Variants in RBFOX1 observed in about 807,000 individuals in gnomAD.
RBFOX1 encodes RNA binding fox-1 homolog 1, also known as RNA binding protein fox-1 homolog 1.
Under a neutral mutation model 57.7 loss-of-function variants are expected in RBFOX1, and 8 were observed. The observed-to-expected ratio is 0.14, with a 90% CI of 0.08 to 0.25. The LOEUF (loss-of-function observed/expected upper bound fraction) is 0.25. RBFOX1 is among the 10% of genes least tolerant of loss of function. RBFOX1 has a pLI of 1.00. For synonymous variants in RBFOX1, 326 were observed against 222.4 expected (o/e 1.47, Z -4.15); for missense variants, 611 against 548.5 (o/e 1.11, Z -1.14).
At chr16:7,178,113 G>A (rs148883278) in intron 4 of RBFOX1, among the ~76,000 whole-genome samples, 82 of 152,330 alleles carry the variant, frequency 5.4e-4, no homozygotes, top group African/African-American at 1.9e-3. Flanking sequence ...CCCCCAGGAT[G>A]TCAGTGACAG....
intron 3 of RBFOX1, among the ~76,000 whole-genome samples, chr16:7,044,379 A>G (rs547410576): frequency 3.3e-5 from 5 of 152,330 alleles, no homozygotes; most frequent in African/African-American, 7.2e-5. Context: ...GGAAGAACTG[A>G]TAAGAGAGAA....
intron 2 of RBFOX1, among the ~76,000 whole-genome samples, chr16:5,510,519 C>T (rs958413501): frequency 1.3e-5 from 2 of 152,056 alleles, no homozygotes; most frequent in African/African-American, 2.4e-5. Context: ...CAAAGCAAGT[C>T]GCGTGGCTGA....
intron 2 of RBFOX1, among the ~76,000 whole-genome samples, chr16:6,326,344 TTAAAG>T (rs1201276330): frequency 1.6e-4 from 25 of 152,098 alleles, no homozygotes; most frequent in African/African-American, 6.0e-4. Context: ...AGATAAAACT[TTAAAG>T]TAAATAAAAT....
chr16:7,367,627 G>A (rs900701102), intron 4 of RBFOX1, among the ~76,000 whole-genome samples: 1 of 152,120 alleles, frequency 6.6e-6, no homozygotes, highest in African/African-American at 2.4e-5. Flanking sequence ...ACAACATTCT[G>A]TATATGTGCA....
intron 2 of RBFOX1, among the ~76,000 whole-genome samples, chr16:6,542,483 C>CTTTTTTTTTTTTTTTTTTTTT (rs71145245): frequency 1.1e-4 from 6 of 55,730 alleles, no homozygotes; most frequent in African/African-American, 2.3e-4. Flanking sequence ...GGACCATAGT[C>CTTTTTTTTTTTTTTTTTTTTT]TTTTTTTTTT....
intron 1 of RBFOX1, among the ~76,000 whole-genome samples, chr16:5,404,201 C>A (rs997206588): frequency 6.6e-6 from 1 of 152,004 alleles, no homozygotes; most frequent in Admixed American, 6.6e-5. Context: ...TACAATGTAC[C>A]TTATTTAGGT....
Position 7,448,927 on chromosome 16 carries a change from G to GTTTTTTTTTTTT in RBFOX1, c.28-69212_28-69201dup, listed in dbSNP as rs71147700. Among the ~76,000 whole-genome samples, 205 of 82,962 alleles carry GTTTTTTTTTTTT rather than the reference G, an allele frequency of 2.5e-3. 12 individuals carry two copies. The highest frequency in any genetic ancestry group is 3.5e-3 in the Non-Finnish European group (160 of 45,988). 54.4% of individuals were successfully genotyped at this position (82,962 alleles called of 152,430 possible). On this transcript the variant is annotated intron_variant, in intron 4 of 15. Coordinates refer to ENST00000550418, the MANE Select transcript of RBFOX1 (RefSeq NM_018723.4). Reference sequence around the variant, plus strand: ...CTTGGTAGACATTTTTCTTTCCCCTGTTTTTTTTTTTTTTTTTTTGAGATG... The same window carrying GTTTTTTTTTTTT: ...CTTGGTAGACATTTTTCTTTCCCCTGTTTTTTTTTTTTTTTTTTTTTTTTTTTTTTTGAGATG...
In RBFOX1 at chr16:6,358,430, G is replaced by A. The variant is rs148359511; in HGVS notation, c.-64+41373G>A. On this transcript the variant is annotated intron_variant, in intron 2 of 15. Transcript: ENST00000550418. ...CTTAGAAAAAGATTAGAAGTTGCCAGCTTCAACATAATTGTCATTGAGAGG... is the reference window on the plus strand; with the variant it reads ...CTTAGAAAAAGATTAGAAGTTGCCAACTTCAACATAATTGTCATTGAGAGG... Among the ~76,000 whole-genome samples the A allele has an allele frequency of 2.6e-5, 4 of 152,336 alleles. No homozygotes were observed. The East Asian group carries it at 7.7e-4, about 29-fold the overall frequency.
chr16:5,395,293 T>G (rs2066519053), intron 1 of RBFOX1, among the ~76,000 whole-genome samples: 1 of 152,238 alleles, frequency 6.6e-6, no homozygotes, highest in Non-Finnish European at 1.5e-5. Flanking sequence ...TCCAGGAAGT[T>G]CAGGCTCTTC....
intron 4 of RBFOX1, among the ~76,000 whole-genome samples, chr16:7,180,827 C>G (rs1395251325): frequency 6.6e-6 from 1 of 151,908 alleles, no homozygotes; most frequent in Admixed American, 6.6e-5. Flanking sequence ...ACACATGTGT[C>G]AGATTTAGGA....
intron 3 of RBFOX1, among the ~76,000 whole-genome samples, chr16:6,936,051 A>AT (rs1291861620): frequency 2.0e-5 from 3 of 152,120 alleles, no homozygotes; most frequent in African/African-American, 7.2e-5. Flanking sequence ...GCGCAAGAGT[A>AT]TTTTGCCTGC....
At chr16:5,999,490 C>T (rs947189946) in intron 4 of RBFOX1, among the ~76,000 whole-genome samples, 1 of 152,024 alleles carries the variant, frequency 6.6e-6, no homozygotes, top group African/African-American at 2.4e-5. Flanking sequence ...GATAATGAAA[C>T]AAAACTTACA....
chr16:6,871,921 G>GTGTT (rs1230531887), intron 3 of RBFOX1, among the ~76,000 whole-genome samples: 1 of 137,534 alleles, frequency 7.3e-6, no homozygotes, highest in Non-Finnish European at 1.6e-5. Context: ...CTGTGTGTGT[G>GTGTT]TGTGTGTGTG....
intron 3 of RBFOX1, among the ~76,000 whole-genome samples, chr16:7,035,777 T>C (rs1373694049): frequency 1.3e-5 from 2 of 152,134 alleles, no homozygotes; most frequent in Non-Finnish European, 2.9e-5. Context: ...ATCTAGTCCT[T>C]CCAGTTAGGA....
intron 3 of RBFOX1, among the ~76,000 whole-genome samples, chr16:6,914,288 T>C (rs1367894975): frequency 1.3e-5 from 2 of 152,200 alleles, no homozygotes; most frequent in Admixed American, 6.5e-5. Flanking sequence ...ATTATAATTA[T>C]AATTTCCGGG....
chr16:6,462,009 A>G (rs757656709), intron 2 of RBFOX1, among the ~76,000 whole-genome samples: 6 of 152,206 alleles, frequency 3.9e-5, no homozygotes, highest in Admixed American at 6.5e-5. Flanking sequence ...GAAAGAGCAA[A>G]CAAAAATTAA....
intron 11 of RBFOX1, among the ~76,000 whole-genome samples, chr16:7,643,318 A>C (rs1028070142): frequency 7.2e-5 from 11 of 152,128 alleles, no homozygotes. Context: ...ATGTAATTTT[A>C]TTTTCCTAGA....
intron 2 of RBFOX1, among the ~76,000 whole-genome samples, chr16:5,583,592 T>G (rs916852333): frequency 1.3e-5 from 2 of 152,224 alleles, no homozygotes; most frequent in Non-Finnish European, 1.5e-5. Flanking sequence ...TTGTTTCTTT[T>G]CTTTGCTCGA....
chr16:6,667,470 A>T (rs1273927923), intron 3 of RBFOX1, among the ~76,000 whole-genome samples: 2 of 152,130 alleles, frequency 1.3e-5, no homozygotes, highest in Non-Finnish European at 2.9e-5. Context: ...TCAGATGCTC[A>T]AGCTCTTATA....
Sources: gnomAD v4.1 joint callset for allele counts (sites outside exome capture counted in the v4.1 genomes callset) on GRCh38, gnomAD v4.1.1 for gene constraint, MANE v1.5 for transcripts, NCBI Gene and HGNC (gene_info 2026-07-23, HGNC 2026-07-21) for gene names.